The following SMAD2 variants were observed in gnomAD, a reference collection of about 807,000 sequenced individuals.
SMAD2 encodes the protein MAD homolog 2.
A neutral mutation model predicts 64.4 loss-of-function variants in SMAD2; 8 were observed. The observed-to-expected ratio is 0.12, with a 90% CI of 0.07 to 0.22. The LOEUF (loss-of-function observed/expected upper bound fraction) is 0.22. SMAD2 is among the 10% of genes least tolerant of loss of function. SMAD2 has a pLI of 1.00. For missense variants in SMAD2, 289 were observed against 561.2 expected (o/e 0.51, Z 4.90); for synonymous variants, 203 against 195.8 (o/e 1.04, Z -0.31).
intron 2 of SMAD2, among the ~76,000 whole-genome samples, chr18:47,881,186 T>C (rs1019584103): frequency 6.6e-6 from 1 of 152,216 alleles, no homozygotes; most frequent in Admixed American, 6.5e-5. Context: ...TTTTAGAATT[T>C]TGTGCAGTTT....
chr18:47,866,710 T>C lies in SMAD2; in HGVS notation c.656-1577A>G, dbSNP rs190130745. ...AAAGCTATTAGCATTTTTGAGAAAA[T>C]GTTAAAATTTCTTTTAAGTGGAATA... On this transcript the variant is annotated intron_variant, in intron 5 of 10. Transcript: ENST00000262160. 6.0e-4 allele frequency: 92 copies of C among 152,266 alleles called. 1 individual carries two copies. Among genetic ancestry groups the C allele is most frequent in the Admixed American group, 6.0e-3 (92 of 15,292 alleles). The allele number at this position is 152,266 out of a possible 1,614,324, so 9.4% of individuals were successfully genotyped here.
chr18:47,929,891 A>C (rs922539945), intron 1 of SMAD2, among the ~76,000 whole-genome samples: 1 of 152,186 alleles, frequency 6.6e-6, no homozygotes, highest in African/African-American at 2.4e-5. Context: ...CAAGTGAGTG[A>C]AGGATGATCA....
At chr18:47,925,587 T>C (rs929871587) in intron 1 of SMAD2, among the ~76,000 whole-genome samples, 3 of 152,198 alleles carry the variant, frequency 2.0e-5, no homozygotes, top group East Asian at 3.8e-4. Flanking sequence ...AGAATCAACA[T>C]TGAATTATGT....
At chr18:47,924,510 G>A (rs1202016999) in intron 1 of SMAD2, among the ~76,000 whole-genome samples, 1 of 150,308 alleles carries the variant, frequency 6.7e-6, no homozygotes, top group Non-Finnish European at 1.5e-5. Context: ...CTCCCAGGCT[G>A]GAGAGCAGTC....
At position 47,813,779 on chromosome 18, in the gene SMAD2, T is replaced by C. The variant is rs1392303613; in HGVS notation, c.*28048A>G. On this transcript the variant is annotated 3_prime_UTR_variant, in exon 11 of 11. Coordinates refer to ENST00000262160, the MANE Select transcript of SMAD2 (RefSeq NM_005901.6). ...GTTGATCAGGCTGGAAACCTGGGTC[T>C]TGAATAATGGATACATTTGGAAGTG... 7.4e-6 allele frequency: 1 copy of C among 134,286 alleles called. No homozygotes were observed. Among genetic ancestry groups the C allele is most frequent in the African/African-American group, 2.8e-5 (1 of 36,238 alleles). The allele number at this position is 134,286 out of a possible 1,614,324, so 8.3% of individuals were successfully genotyped here. A position where few individuals can be genotyped will look rare whatever the true frequency, so the allele number is the denominator to read the frequency against.
rs1434417622 is a variant in SMAD2 at position 47,877,424 on chromosome 18, GTTTAGA to G, written c.237-6866_237-6861del. ...TTTTATATGTGACTTAAGACTAAAA[GTTTAGA>G]TTTAAACAGCTCAGGAATGAAGAGT... is the stretch of plus-strand genomic sequence containing the variant. On this transcript the variant is annotated intron_variant, in intron 2 of 10. Coordinates refer to ENST00000262160, the MANE Select transcript of SMAD2 (RefSeq NM_005901.6). Among the ~76,000 whole-genome samples the G allele has an allele frequency of 1.1e-4, 16 of 152,064 alleles. No individual in the cohort carries two copies. In the East Asian group the frequency reaches 2.9e-3, roughly 28 times the overall value.
chr18:47,828,761 C>T lies in SMAD2; in HGVS notation c.*13066G>A, dbSNP rs1912877479. The T allele has an allele frequency of 5.5e-6, 1 of 181,146 alleles. No individual in the cohort carries two copies. The highest frequency in any genetic ancestry group is 1.1e-5 in the Non-Finnish European group (1 of 91,530). The allele number at this position is 181,146 out of a possible 1,614,324, so 11.2% of individuals were successfully genotyped here. On this transcript the variant is annotated 3_prime_UTR_variant, in exon 11 of 11. Coordinates refer to ENST00000262160, the MANE Select transcript of SMAD2 (RefSeq NM_005901.6). ...TGCTCGTTAAGAGTCATCACCACTC[C>T]TTAATCTCAAGTACCCAGGGACACA...
chr18:47,914,926 G>A lies in SMAD2; in HGVS notation c.-54+15435C>T, dbSNP rs150837508. Among the ~76,000 whole-genome samples the A allele has an allele frequency of 4.2e-3, 637 of 152,160 alleles. 5 individuals carry two copies. The highest frequency in any genetic ancestry group is 0.015 in the African/African-American group (606 of 41,524). ...ACATATTTATGATATCAAGTACTCCGACTATGCAAATGAGTATTTCCATTT... is the reference window on the plus strand; with the variant it reads ...ACATATTTATGATATCAAGTACTCCAACTATGCAAATGAGTATTTCCATTT... On this transcript the variant is annotated intron_variant, in intron 1 of 10. Transcript: ENST00000262160.
At chr18:47,893,802 T>A (rs1029530030) in intron 2 of SMAD2, among the ~76,000 whole-genome samples, 1 of 149,380 alleles carries the variant, frequency 6.7e-6, no homozygotes, top group Non-Finnish European at 1.5e-5. Flanking sequence ...AAAGTTAAAA[T>A]TTTTTTGATA....
chr18:47,871,118 C>A (rs1268806132), intron 2 of SMAD2, among the ~76,000 whole-genome samples: 5 of 152,072 alleles, frequency 3.3e-5, no homozygotes, highest in Admixed American at 2.0e-4. Flanking sequence ...ATTTAGTATA[C>A]CACCTTAAAA....
intron 10 of SMAD2, among the ~76,000 whole-genome samples, chr18:47,844,150 T>TTCTACCAATTATTCTACC: frequency 6.6e-6 from 1 of 152,240 alleles, no homozygotes; most frequent in South Asian, 2.1e-4. Flanking sequence ...TCTACCAATA[T>TTCTACCAATTATTCTACC]AACTCAGAAA....
chr18:47,927,981 T>G (rs1350268842), intron 1 of SMAD2, among the ~76,000 whole-genome samples: 1 of 152,236 alleles, frequency 6.6e-6, no homozygotes, highest in Non-Finnish European at 1.5e-5. Context: ...CGTTTCACAT[T>G]TTCTGACATA....
intron 2 of SMAD2, among the ~76,000 whole-genome samples, chr18:47,891,204 C>T (rs2033172656): frequency 2.6e-5 from 4 of 152,172 alleles, no homozygotes; most frequent in Admixed American, 1.3e-4. Flanking sequence ...ACTTGGGAGG[C>T]TGAGGCAGGT....
intron 1 of SMAD2, among the ~76,000 whole-genome samples, chr18:47,897,235 T>C (rs937521456): frequency 1.3e-5 from 2 of 152,172 alleles, no homozygotes; most frequent in African/African-American, 4.8e-5. Flanking sequence ...TAAACTTTCA[T>C]AACTAATAGG....
At chr18:47,847,642 AAAT>A (rs1425329242) in intron 8 of SMAD2, among the ~76,000 whole-genome samples, 1 of 151,412 alleles carries the variant, frequency 6.6e-6, no homozygotes, top group African/African-American at 2.4e-5. Flanking sequence ...AAAAAAAAAA[AAAT>A]AGAGTGGCAA....
intron 1 of SMAD2, among the ~76,000 whole-genome samples, chr18:47,909,054 G>A (rs1257956444): frequency 6.8e-6 from 1 of 146,096 alleles, no homozygotes; most frequent in Non-Finnish European, 1.5e-5. Flanking sequence ...TGAATCCAGT[G>A]TAAGAACTAC....
At chr18:47,866,507 G>T (rs2031572311) in intron 5 of SMAD2, among the ~76,000 whole-genome samples, 1 of 151,514 alleles carries the variant, frequency 6.6e-6, no homozygotes, top group South Asian at 2.1e-4. Context: ...TATACTCAAA[G>T]AACATAAAAA....
chr18:47,906,029 A>G (rs1019138046), intron 1 of SMAD2, among the ~76,000 whole-genome samples: 3 of 151,986 alleles, frequency 2.0e-5, no homozygotes, highest in Non-Finnish European at 4.4e-5. Flanking sequence ...TGGGAGGATC[A>G]TTTGAGCACA....
rs1027270372 is a variant in SMAD2 at position 47,818,650 on chromosome 18, T to C, written c.*23177A>G. ...CTAAAAATTCAAGGCCACCTGGAGATTGTTTTTTCTTATACAATTCAGCCA... is the reference window on the plus strand; with the variant it reads ...CTAAAAATTCAAGGCCACCTGGAGACTGTTTTTTCTTATACAATTCAGCCA... On this transcript the variant is annotated 3_prime_UTR_variant, in exon 11 of 11. Coordinates refer to ENST00000262160, the MANE Select transcript of SMAD2 (RefSeq NM_005901.6). 7 of 152,246 alleles carry C rather than the reference T, an allele frequency of 4.6e-5. No individual in the cohort carries two copies. The highest frequency in any genetic ancestry group is 1.7e-4 in the African/African-American group (7 of 41,464). 9.4% of individuals were successfully genotyped at this position (152,246 alleles called of 1,614,324 possible).
Sources: allele counts gnomAD v4.1 joint callset (sites outside exome capture counted in the v4.1 genomes callset), GRCh38; gene constraint gnomAD v4.1.1; transcripts MANE v1.5; gene names NCBI Gene and HGNC (gene_info 2026-07-23, HGNC 2026-07-21).